Variants in HTR4 observed in about 807,000 individuals in gnomAD.
HTR4 encodes 5-hydroxytryptamine (serotonin) receptor 4, G protein-coupled.
Under a neutral mutation model 36.8 loss-of-function variants are expected in HTR4, and 16 were observed. That is an observed-to-expected ratio of 0.43 (90% CI 0.29 to 0.66). The LOEUF is 0.66. Ranked by LOEUF, HTR4 falls within the 30% of genes least tolerant of loss-of-function variation. HTR4 has a pLI of 0.13. For missense variants in HTR4, 438 were observed against 490.9 expected (o/e 0.89, Z 1.02); for synonymous variants, 189 against 185.1 (o/e 1.02, Z -0.17).
intron 2 of HTR4, among the ~76,000 whole-genome samples, chr5:148,569,845 T>A (rs1016151055): frequency 2.6e-5 from 4 of 152,094 alleles, no homozygotes; most frequent in African/African-American, 9.7e-5. Flanking sequence ...TTGTTAATCA[T>A]AAATATTTTG....
intron 2 of HTR4, among the ~76,000 whole-genome samples, chr5:148,595,855 G>A (rs888300285): frequency 2.6e-5 from 4 of 152,244 alleles, no homozygotes; most frequent in Admixed American, 6.5e-5. Flanking sequence ...ATTTTGGGCC[G>A]CATGAGGAGT....
chr5:148,456,288 G>A (rs1015428771), intron 5 of HTR4, among the ~76,000 whole-genome samples: 1 of 152,140 alleles, frequency 6.6e-6, no homozygotes, highest in Non-Finnish European at 1.5e-5. Flanking sequence ...GGGTCATCTG[G>A]TTGGCCACCT....
chr5:148,649,879 G>A (rs567133100), intron 1 of HTR4, among the ~76,000 whole-genome samples: 8 of 151,924 alleles, frequency 5.3e-5, no homozygotes, highest in African/African-American at 7.3e-5. Flanking sequence ...TTTCATTTTC[G>A]TTCTTTAGGT....
chr5:148,463,130 T>TTTTGC (rs960548852), intron 5 of HTR4, among the ~76,000 whole-genome samples: 24 of 151,750 alleles, frequency 1.6e-4, no homozygotes, highest in Non-Finnish European at 3.1e-4. Flanking sequence ...TCACCACTGC[T>TTTTGC]TTTGCTTTGC....
chr5:148,623,681 A>G (rs1752990607), intron 2 of HTR4, among the ~76,000 whole-genome samples: 1 of 152,184 alleles, frequency 6.6e-6, no homozygotes, highest in Admixed American at 6.5e-5. Flanking sequence ...GCTGCTTTCT[A>G]GGATCCTGAA....
chr5:148,607,439 C>T (rs183546527), intron 2 of HTR4, among the ~76,000 whole-genome samples: 26 of 152,286 alleles, frequency 1.7e-4, no homozygotes, highest in South Asian at 1.7e-3. Context: ...ACTGAAGATA[C>T]TTGAAGGAAA....
intron 2 of HTR4, among the ~76,000 whole-genome samples, chr5:148,570,670 G>T (rs1760638010): frequency 1.3e-5 from 2 of 152,038 alleles, no homozygotes; most frequent in Non-Finnish European, 2.9e-5. Flanking sequence ...CACATCAGGA[G>T]GGGGTTGGAA....
At chr5:148,592,921 T>G (rs1761628304) in intron 2 of HTR4, among the ~76,000 whole-genome samples, 2 of 152,196 alleles carry the variant, frequency 1.3e-5, no homozygotes, top group African/African-American at 4.8e-5. Context: ...TTTGACAATT[T>G]TAAATTTTGA....
chr5:148,564,312 G>T (rs987726095), intron 2 of HTR4, among the ~76,000 whole-genome samples: 2 of 152,072 alleles, frequency 1.3e-5, no homozygotes, highest in Admixed American at 6.6e-5. Context: ...ACATCTTATT[G>T]TCTGGGAAGC....
intron 1 of HTR4, chr5:148,646,388 T>C (rs1753876870): frequency 6.6e-6 from 1 of 152,248 alleles, no homozygotes; most frequent in African/African-American, 2.4e-5. Flanking sequence ...CTTCTGAACC[T>C]CCTGGATTAG....
intron 2 of HTR4, among the ~76,000 whole-genome samples, chr5:148,557,614 A>G (rs534193500): frequency 6.6e-6 from 1 of 152,178 alleles, no homozygotes; most frequent in East Asian, 1.9e-4. Flanking sequence ...CTTGATGAAC[A>G]GCAGTACTGA....
downstream of HTR4, among the ~76,000 whole-genome samples, chr5:148,480,929 T>G (rs1755858702): frequency 6.6e-6 from 1 of 152,228 alleles, no homozygotes; most frequent in African/African-American, 2.4e-5. Context: ...AAAAAAATTA[T>G]CTTATATCTC....
intron 1 of HTR4, among the ~76,000 whole-genome samples, chr5:148,637,546 A>C (rs903092391): frequency 6.6e-6 from 1 of 152,194 alleles, no homozygotes; most frequent in Non-Finnish European, 1.5e-5. Flanking sequence ...GCCCAGAAAA[A>C]AATAGATACG....
Position 148,482,234 on chromosome 5 carries a change from C to T in HTR4, c.*969G>A, listed in dbSNP as rs1343200348. The T allele has an allele frequency of 2.0e-6, 2 of 985,522 alleles. No individual in the cohort carries two copies. Among genetic ancestry groups the T allele is most frequent in the Non-Finnish European group, 2.4e-6 (2 of 830,034 alleles). The allele number at this position is 985,522 out of a possible 1,614,324, so 61.0% of individuals were successfully genotyped here. ...AAATGAGTTTCCCCAGTGTGAACTT[C>T]CAACAGTTATCTCCTTTGGCAGCAA... On this transcript the variant is annotated 3_prime_UTR_variant, in exon 7 of 7. Transcript: ENST00000377888.
chr5:148,551,185 C>G (rs1014659669), intron 2 of HTR4, among the ~76,000 whole-genome samples: 3 of 152,196 alleles, frequency 2.0e-5, no homozygotes, highest in Non-Finnish European at 2.9e-5. Context: ...GCAAAGCCAT[C>G]TTGTTACAGT....
intron 2 of HTR4, among the ~76,000 whole-genome samples, chr5:148,600,995 A>AC (rs1213909620): frequency 3.7e-4 from 54 of 147,574 alleles, no homozygotes; most frequent in Admixed American, 1.9e-3. Flanking sequence ...AAAAAAAAAA[A>AC]AAAAAAAACA....
chr5:148,623,683 G>C (rs1414097685), intron 2 of HTR4, among the ~76,000 whole-genome samples: 2 of 152,128 alleles, frequency 1.3e-5, no homozygotes, highest in Non-Finnish European at 2.9e-5. Context: ...TGCTTTCTAG[G>C]ATCCTGAAGT....
chr5:148,515,395 C>T (rs1255701506), intron 5 of HTR4, among the ~76,000 whole-genome samples: 1 of 152,150 alleles, frequency 6.6e-6, no homozygotes, highest in Non-Finnish European at 1.5e-5. Context: ...CGTTCTCTTA[C>T]ACTATCCACA....
chr5:148,619,487 C>G (rs1285365631), intron 2 of HTR4, among the ~76,000 whole-genome samples: 1 of 152,108 alleles, frequency 6.6e-6, no homozygotes, highest in Non-Finnish European at 1.5e-5. Flanking sequence ...AAGGTAGTGC[C>G]TGCCCTCAAT....
Sources: gnomAD v4.1 joint callset for allele counts (sites outside exome capture counted in the v4.1 genomes callset) on GRCh38, gnomAD v4.1.1 for gene constraint, MANE v1.5 for transcripts, NCBI Gene and HGNC (gene_info 2026-07-23, HGNC 2026-07-21) for gene names.